MBLAC2: variants seen among roughly 807,000 people sequenced by gnomAD.
MBLAC2 encodes acyl-coenzyme A thioesterase MBLAC2.
Under a neutral mutation model 23.3 loss-of-function variants are expected in MBLAC2, and 24 were observed. That is an observed-to-expected ratio of 1.03 (90% confidence interval 0.75 to 1.45). MBLAC2 has a LOEUF of 1.45. MBLAC2 is among the 40% of genes most tolerant of loss of function. The pLI, the probability that MBLAC2 is intolerant of heterozygous loss-of-function variation, is 0.00. For synonymous variants in MBLAC2, 162 were observed against 150.9 expected, an observed-to-expected ratio of 1.07 and a Z score of -0.54; for missense variants, 358 against 370.0, an observed-to-expected ratio of 0.97 and a Z score of 0.27.
intron 1 of MBLAC2, among the ~76,000 whole-genome samples, chr5:90,465,046 TCA>T (rs908109797): frequency 3.9e-5 from 6 of 152,176 alleles, no homozygotes; most frequent in African/African-American, 1.4e-4. Flanking sequence ...GAGTAAGGTC[TCA>T]CAGATTAGAA....
chr5:90,464,389 A>G (rs1750417258), intron 1 of MBLAC2, among the ~76,000 whole-genome samples: 1 of 152,124 alleles, frequency 6.6e-6, no homozygotes, highest in Admixed American at 6.5e-5. Context: ...TCGGCAAAAT[A>G]GTGAGACCTC....
At chr5:90,470,750 G>A (rs775861973) in intron 1 of MBLAC2, among the ~76,000 whole-genome samples, 4 of 43,940 alleles carry the variant, frequency 9.1e-5, no homozygotes, top group South Asian at 9.7e-4. Flanking sequence ...GAAAACTAGC[G>A]CGCGCGCACA....
At chr5:90,472,503 CA>C (rs780102712) in intron 1 of MBLAC2, 2 of 151,292 alleles carry the variant, frequency 1.3e-5, no homozygotes, top group Non-Finnish European at 2.9e-5. Context: ...CAGAATCTTG[CA>C]ATTTTTTTTT....
chr5:90,463,280 CGCCATGTTGGCCAGGCTGGTT>C (rs1750396375), intron 1 of MBLAC2, among the ~76,000 whole-genome samples: 1 of 152,170 alleles, frequency 6.6e-6, no homozygotes, highest in Admixed American at 6.5e-5. Context: ...GACAGGGTTT[CGCCATGTTGGCCAGGCTGGTT>C]GCCATGTTGC....
chr5:90,474,003 C>T lies in MBLAC2; in HGVS notation c.290G>A (p.Arg97His). 2 of 1,598,590 alleles carry T rather than the reference C, an allele frequency of 1.3e-6. No individual in the cohort carries two copies. The highest frequency in any genetic ancestry group is 1.1e-5 in the South Asian group (1 of 88,526). ...DHSGGLYQFD[R>H]VAVHHAEAEA... ...GGCCTCGGCGTGGTGCACTGCCACG[C>T]GGTCGAACTGGTAGAGGCCGCCGGA... Residue 97 changes from arginine (R) to histidine (H), a missense_variant, in exon 1 of 2, where the codon CGC becomes CAC. Arg to His is a conservative substitution (Grantham distance 29). Transcript: ENST00000316610.
chr5:90,471,826 G>A (rs930842026), intron 1 of MBLAC2: 10 of 152,262 alleles, frequency 6.6e-5, no homozygotes, highest in Admixed American at 2.6e-4. Context: ...TGAGAAGAGA[G>A]GAAATTAGAC....
At chr5:90,470,091 G>A (rs1750519903) in intron 1 of MBLAC2, among the ~76,000 whole-genome samples, 1 of 152,152 alleles carries the variant, frequency 6.6e-6, no homozygotes, top group Non-Finnish European at 1.5e-5. Context: ...CAACATGGAT[G>A]GAACTGGAGG....
chr5:90,463,754 T>C (rs1353801524), intron 1 of MBLAC2, among the ~76,000 whole-genome samples: 1 of 151,892 alleles, frequency 6.6e-6, no homozygotes, highest in Admixed American at 6.6e-5. Flanking sequence ...AGAGCAAAAA[T>C]AAATGAATAC....
In MBLAC2 at chr5:90,474,382, G is replaced by C; in HGVS notation, c.-90C>G. 1 of 1,236,278 alleles carries C rather than the reference G, an allele frequency of 8.1e-7. No homozygotes were observed. Among genetic ancestry groups the C allele is most frequent in the Non-Finnish European group, 1.2e-6 (1 of 862,210 alleles). The allele number at this position is 1,236,278 out of a possible 1,614,324, so 76.6% of individuals were successfully genotyped here. A position where few individuals can be genotyped will look rare whatever the true frequency, so the allele number is the denominator to read the frequency against. On this transcript the variant is annotated 5_prime_UTR_variant, in exon 1 of 2. Transcript: ENST00000316610. ...ACACAGGGCACTGCGGCTGTGTGAA[G>C]CGGTCTGCCTGCAGCCAGGGAGGAG...
chr5:90,472,134 C>T (rs1419526105), intron 1 of MBLAC2, among the ~76,000 whole-genome samples: 1 of 152,270 alleles, frequency 6.6e-6, no homozygotes, highest in Non-Finnish European at 1.5e-5. Context: ...TAAAAAACCC[C>T]TATCATTCTC....
intron 1 of MBLAC2, among the ~76,000 whole-genome samples, chr5:90,466,038 A>G (rs994905949): frequency 6.6e-6 from 1 of 152,236 alleles, no homozygotes; most frequent in African/African-American, 2.4e-5. Context: ...ATTATGAAAA[A>G]GAGGAACACA....
At chr5:90,469,794 G>C (rs1164632111) in intron 1 of MBLAC2, among the ~76,000 whole-genome samples, 1 of 152,222 alleles carries the variant, frequency 6.6e-6, no homozygotes, top group Non-Finnish European at 1.5e-5. Context: ...ATGTAAATTA[G>C]TACAGCAACT....
At position 90,460,184 on chromosome 5, in the gene MBLAC2, T is replaced by C. The variant is rs1368216108; in HGVS notation, c.*983A>G. Reference sequence around the variant, plus strand: ...CAATTCACTCTAAGTCAATAGCTAATGCACATTTTGCAATTAATTTAAAAA... The same window carrying C: ...CAATTCACTCTAAGTCAATAGCTAACGCACATTTTGCAATTAATTTAAAAA... On this transcript the variant is annotated 3_prime_UTR_variant, in exon 2 of 2. Transcript: ENST00000316610. 3.3e-5 allele frequency: 5 copies of C among 152,690 alleles called. No individual in the cohort carries two copies. The East Asian group carries it at 9.6e-4, about 29-fold the overall frequency. 9.5% of individuals were successfully genotyped at this position (152,690 alleles called of 1,614,324 possible). A position where few individuals can be genotyped will look rare whatever the true frequency, so the allele number is the denominator to read the frequency against.
intron 1 of MBLAC2, 176 bp downstream of exon 1, chr5:90,473,663 G>A (rs1229048310): frequency 4.2e-6 from 3 of 718,332 alleles, no homozygotes; most frequent in Non-Finnish European, 7.5e-6. Flanking sequence ...AGGCTGTGAT[G>A]GCCTTGACTC....
In MBLAC2 at chr5:90,461,312, A is replaced by T; in HGVS notation, c.695T>A (p.Phe232Tyr). The change falls in exon 2 of 2, where the codon TTC becomes TAC. Residue 232 changes from phenylalanine (F) to tyrosine (Y), a missense_variant. Physicochemically the swap from Phe to Tyr is conservative, Grantham distance 22. Coordinates refer to ENST00000316610, the MANE Select transcript of MBLAC2 (RefSeq NM_203406.2). The part of the protein sequence containing the change: ...GLVEKVLPGH[F>Y]NTFGAERLFR... Reference sequence around the variant, plus strand: ...AAGCCTTTCAGCACCAAAGGTATTGAAGTGCCCAGGAAGCACCTTCTCTAC... The same window carrying T: ...AAGCCTTTCAGCACCAAAGGTATTGTAGTGCCCAGGAAGCACCTTCTCTAC... The T allele has an allele frequency of 6.2e-7, 1 of 1,614,186 alleles. No homozygotes were observed. The highest frequency in any genetic ancestry group is 8.5e-7 in the Non-Finnish European group (1 of 1,180,032).
intron 1 of MBLAC2, chr5:90,472,876 G>T (rs1750584747): frequency 6.6e-6 from 1 of 152,094 alleles, no homozygotes; most frequent in African/African-American, 2.4e-5. Flanking sequence ...CCATTTAACT[G>T]GGGGGTCAGT....
rs752780412 is a variant in MBLAC2 at position 90,474,190 on chromosome 5, C to T, written c.103G>A (p.Val35Met). The T allele has an allele frequency of 3.1e-5, 50 of 1,610,010 alleles. No individual in the cohort carries two copies. The highest frequency in any genetic ancestry group is 4.0e-5 in the Non-Finnish European group (47 of 1,178,194). Reference protein sequence around the residue: ...ESGNRANIWLVRGSEQDVVID... With the variant: ...ESGNRANIWLMRGSEQDVVID... ...ACCACGTCCTGCTCGGAGCCGCGCACCAGCCAGATGTTGGCACGGTTGCCC... is the reference window on the plus strand; with the variant it reads ...ACCACGTCCTGCTCGGAGCCGCGCATCAGCCAGATGTTGGCACGGTTGCCC... The change falls in exon 1 of 2, where the codon GTG becomes ATG. Residue 35 changes from valine (V) to methionine (M), a missense_variant. By Grantham distance (21) the Val-to-Met change is conservative. Coordinates refer to ENST00000316610, the MANE Select transcript of MBLAC2 (RefSeq NM_203406.2).
At chr5:90,470,756 G>GCGCACACACA (rs1272602098) in intron 1 of MBLAC2, among the ~76,000 whole-genome samples, 34 of 140,652 alleles carry the variant, frequency 2.4e-4, no homozygotes, top group African/African-American at 8.6e-4. Context: ...TAGCGCGCGC[G>GCGCACACACA]CACACACACA....
At chr5:90,472,208 T>A (rs1463963441) in intron 1 of MBLAC2, among the ~76,000 whole-genome samples, 1 of 151,734 alleles carries the variant, frequency 6.6e-6, no homozygotes, top group African/African-American at 2.4e-5. Context: ...ATTTATTCTT[T>A]TCAACAATTT....
Sources: allele counts gnomAD v4.1 joint callset (sites outside exome capture counted in the v4.1 genomes callset), GRCh38; gene constraint gnomAD v4.1.1; transcripts MANE v1.5; gene names NCBI Gene and HGNC (gene_info 2026-07-23, HGNC 2026-07-21).